SEC24D: variants seen among roughly 807,000 people sequenced by gnomAD.
SEC24D encodes protein transport protein Sec24D.
SEC24D carries 69 observed loss-of-function variants against 116.9 expected under a neutral mutation model. The observed-to-expected ratio is 0.59, with a 90% CI of 0.49 to 0.72. The LOEUF (loss-of-function observed/expected upper bound fraction) is 0.72, where lower values mean the gene tolerates loss of function less well. Among genes scored for constraint, SEC24D ranks in the 30% least tolerant of loss-of-function variants. SEC24D has a pLI of 0.00. For synonymous variants in SEC24D, 405 were observed against 442.8 expected, an observed-to-expected ratio of 0.91 and a Z score of 1.07; for missense variants, 1,131 against 1,264.1, an observed-to-expected ratio of 0.89 and a Z score of 1.60.
At chr4:118,745,404 A>G (rs540153901) in intron 13 of SEC24D, among the ~76,000 whole-genome samples, 1 of 152,350 alleles carries the variant, frequency 6.6e-6, no homozygotes, top group East Asian at 1.9e-4. Flanking sequence ...GTCTTTCAGG[A>G]CCAGGTAAAT....
Position 118,739,259 on chromosome 4 carries a change from C to T in SEC24D, c.2267G>A (p.Gly756Asp), listed in dbSNP as rs1243923161. 6.2e-7 allele frequency: 1 copy of T among 1,613,524 alleles called. No homozygotes were observed. The highest frequency in any genetic ancestry group is 8.5e-7 in the Non-Finnish European group (1 of 1,179,658). ...ATTGTGAATCCGAAGTCTTCTTTGA[C>T]CACTGATTGTCGTGTAAAGCACAGC... Reference protein sequence around the residue: ...QCAVLYTTISGQRRLRIHNLG... With the variant: ...QCAVLYTTISDQRRLRIHNLG... Residue 756 changes from glycine to aspartate, a missense_variant, in exon 18 of 23, where the codon GGT (glycine) becomes GAT (aspartate). Physicochemically the swap from Gly to Asp is moderately conservative, Grantham distance 94. Coordinates refer to ENST00000280551, the MANE Select transcript of SEC24D (RefSeq NM_014822.4).
chr4:118,764,994 T>C, intron 9 of SEC24D, 77 bp from the exon 10 acceptor site: 5 of 828,442 alleles, frequency 6.0e-6, no homozygotes, highest in African/African-American at 1.7e-5. Flanking sequence ...CAAAATTTAT[T>C]ATGAGAGGAA....
intron 10 of SEC24D, among the ~76,000 whole-genome samples, chr4:118,762,604 A>G (rs1204489764): frequency 6.6e-6 from 1 of 152,232 alleles, no homozygotes; most frequent in Admixed American, 6.5e-5. Context: ...TGTAAAAAAT[A>G]CATGTACAAA....
chr4:118,789,517 C>A (rs116083470), intron 8 of SEC24D, among the ~76,000 whole-genome samples: 1 of 152,186 alleles, frequency 6.6e-6, no homozygotes. Context: ...CTCTTTAGAT[C>A]TGCTGAATCT....
At chr4:118,768,787 ATGT>A (rs1727763542) in intron 8 of SEC24D, among the ~76,000 whole-genome samples, 1 of 152,206 alleles carries the variant, frequency 6.6e-6, no homozygotes, top group Non-Finnish European at 1.5e-5. Flanking sequence ...AAGCCATAAG[ATGT>A]TGTCCAGAAT....
At chr4:118,818,834 A>C (rs1396813742) in intron 3 of SEC24D, among the ~76,000 whole-genome samples, 2 of 152,246 alleles carry the variant, frequency 1.3e-5, no homozygotes, top group Non-Finnish European at 2.9e-5. Context: ...CTATAGCAGA[A>C]AATTGGCTAG....
chr4:118,831,529 C>T (rs923956583), intron 2 of SEC24D, among the ~76,000 whole-genome samples: 1 of 152,034 alleles, frequency 6.6e-6, no homozygotes, highest in African/African-American at 2.4e-5. Context: ...TTCCAACCCA[C>T]GGCCCACACG....
Position 118,776,705 on chromosome 4 carries a change from C to T in SEC24D, c.1042-8394G>A, listed in dbSNP as rs576256318. 5.9e-5 allele frequency among the ~76,000 whole-genome samples: 9 copies of T among 152,174 alleles called. No homozygotes were observed. In the South Asian group the frequency reaches 1.9e-3, roughly 32 times the overall value. ...ATCTTATGCTTGAGCAACATTTTGC[C>T]ACATTTCTTACAATCTTTGACCTAC... On this transcript the variant is annotated intron_variant, in intron 8 of 22. Transcript: ENST00000280551.
intron 19 of SEC24D, among the ~76,000 whole-genome samples, chr4:118,734,116 A>T (rs1725837024): frequency 1.3e-5 from 2 of 150,454 alleles, no homozygotes; most frequent in African/African-American, 4.9e-5. Context: ...ACAAGGACAT[A>T]TCCAAAAGAA....
rs2110420831 is a variant in SEC24D, at chr4:118,723,631, G to A, written c.2983C>T (p.Gln995Ter). 1 of 1,612,578 alleles carries A rather than the reference G, an allele frequency of 6.2e-7. No homozygotes were observed. Among genetic ancestry groups the A allele is most frequent in the South Asian group, 1.1e-5 (1 of 90,600 alleles). ...AACTGTCGGAAAACCATTTCTGGTT[G>A]TTCTCGCTGCTTTACAATTGTGAGC... is the stretch of plus-strand genomic sequence containing the variant. ...MKLTIVKQRE[Q>*]PEMVFRQFLV... The change falls in exon 23 of 23, where the codon CAA (glutamine) becomes TAA (stop). Residue 995 changes from glutamine (Q) to a stop codon, truncating the protein, a stop_gained. Transcript: ENST00000280551. LOFTEE classifies it high-confidence loss of function.
chr4:118,783,709 T>C (rs544899114), intron 8 of SEC24D, among the ~76,000 whole-genome samples: 1 of 152,294 alleles, frequency 6.6e-6, no homozygotes, highest in Admixed American at 6.5e-5. Flanking sequence ...ATTATACAAG[T>C]ATAAATACAA....
chr4:118,819,360 T>C (rs1244581269), intron 3 of SEC24D, among the ~76,000 whole-genome samples: 1 of 151,572 alleles, frequency 6.6e-6, no homozygotes, highest in East Asian at 1.9e-4. Context: ...TGAAACCCCG[T>C]CTCTATTAAA....
intron 8 of SEC24D, among the ~76,000 whole-genome samples, chr4:118,776,264 G>A (rs1427119906): frequency 6.6e-6 from 1 of 152,126 alleles, no homozygotes; most frequent in East Asian, 1.9e-4. Flanking sequence ...AATATACACT[G>A]ATAACTATAC....
At chr4:118,777,849 C>A (rs1728216070) in intron 8 of SEC24D, among the ~76,000 whole-genome samples, 1 of 152,228 alleles carries the variant, frequency 6.6e-6, no homozygotes, top group African/African-American at 2.4e-5. Context: ...ACTTGCATTT[C>A]TTTGATGACC....
At chr4:118,738,520 T>C (rs571682239) in intron 18 of SEC24D, 141 bp from the exon 19 acceptor site, 271 of 663,422 alleles carry the variant, frequency 4.1e-4, no homozygotes, top group African/African-American at 4.0e-3. Flanking sequence ...TTCAAGTCAT[T>C]TGCTAATGGT....
At chr4:118,776,394 C>A (rs534005873) in intron 8 of SEC24D, among the ~76,000 whole-genome samples, 1 of 152,272 alleles carries the variant, frequency 6.6e-6, no homozygotes, top group East Asian at 1.9e-4. Flanking sequence ...TTAAACTGTA[C>A]ACTGAAGTCT....
chr4:118,741,096 G>A lies in SEC24D; in HGVS notation c.1996-59C>T, dbSNP rs140599901. ...ATGGCAGTAAAATACTTAAAATAAC[G>A]TTCTCATTTTAATCCTGAGTTATAA... On this transcript the variant is annotated intron_variant, in intron 15 of 22. Transcript: ENST00000280551. 5.9e-4 allele frequency: 490 copies of A among 827,210 alleles called. 1 individual carries two copies. The highest frequency in any genetic ancestry group is 8.1e-4 in the Non-Finnish European group (429 of 526,760). 51.2% of individuals were successfully genotyped at this position (827,210 alleles called of 1,614,324 possible). A position where few individuals can be genotyped will look rare whatever the true frequency, so the allele number is the denominator to read the frequency against.
intron 7 of SEC24D, 88 bp from the exon 8 acceptor site, chr4:118,797,898 T>A (rs1729252885): frequency 9.7e-7 from 1 of 1,027,334 alleles, no homozygotes. Flanking sequence ...TACTTCTAGA[T>A]AATGCATTGC....
chr4:118,760,691 A>G (rs1185721902), intron 10 of SEC24D: 1 of 152,044 alleles, frequency 6.6e-6, no homozygotes, highest in African/African-American at 2.4e-5. Context: ...TGAAACTGCT[A>G]GGTCATATGG....
Sources: allele counts gnomAD v4.1 joint callset (sites outside exome capture counted in the v4.1 genomes callset), GRCh38; gene constraint gnomAD v4.1.1; transcripts MANE v1.5; gene names NCBI Gene and HGNC (gene_info 2026-07-23, HGNC 2026-07-21).